Variants in PXDNL observed in about 807,000 individuals in gnomAD.
The protein encoded by PXDNL is peroxidasin like, also known as probable oxidoreductase PXDNL.
A neutral mutation model predicts 150.8 loss-of-function variants in PXDNL; 145 were observed. The ratio of observed to expected loss-of-function variants is 0.96; its 90% confidence interval spans 0.84 to 1.10. The LOEUF is 1.10. Among genes scored for constraint, PXDNL ranks in the 50% least tolerant of loss-of-function variants. The pLI is 0.00. For missense variants in PXDNL, 2,087 were observed against 1,873.9 expected, an observed-to-expected ratio of 1.11 and a Z score of -2.10; for synonymous variants, 757 against 725.7, an observed-to-expected ratio of 1.04 and a Z score of -0.69.
chr8:51,449,148 G>A, intron 10 of PXDNL, 30 bp from the exon 11 acceptor site: 5 of 1,259,862 alleles, frequency 4.0e-6, no homozygotes, highest in African/African-American at 1.5e-5. Flanking sequence ...CATCAAAATT[G>A]AAAATTATTT....
chr8:51,328,256 A>G (rs935494020), intron 21 of PXDNL, among the ~76,000 whole-genome samples: 6 of 152,354 alleles, frequency 3.9e-5, no homozygotes, highest in African/African-American at 1.4e-4. Flanking sequence ...ATGCCTTTTA[A>G]TACACATATC....
intron 17 of PXDNL, among the ~76,000 whole-genome samples, chr8:51,380,144 C>CA (rs1293453803): frequency 7.4e-5 from 11 of 149,450 alleles, no homozygotes; most frequent in Admixed American, 2.0e-4. Flanking sequence ...AAAAAAATAA[C>CA]AAAAAAACTC....
intron 3 of PXDNL, among the ~76,000 whole-genome samples, chr8:51,567,057 GT>G (rs1261765654): frequency 6.6e-6 from 1 of 151,538 alleles, no homozygotes; most frequent in Non-Finnish European, 1.5e-5. Flanking sequence ...TTATAAATGT[GT>G]TTAATCTATA....
At chr8:51,454,544 T>G (rs562056348) in intron 9 of PXDNL, among the ~76,000 whole-genome samples, 33 of 152,198 alleles carry the variant, frequency 2.2e-4, no homozygotes, top group Non-Finnish European at 4.4e-4. Flanking sequence ...GGAGTTCCAC[T>G]CTTACAAATT....
intron 21 of PXDNL, among the ~76,000 whole-genome samples, chr8:51,325,367 T>A (rs1219512771): frequency 6.6e-6 from 1 of 152,050 alleles, no homozygotes; most frequent in African/African-American, 2.4e-5. Flanking sequence ...GGAAGAGGGG[T>A]CCCACATCAT....
intron 21 of PXDNL, chr8:51,321,171 A>T (rs544715687): frequency 2.3e-4 from 69 of 301,624 alleles, no homozygotes; most frequent in Non-Finnish European, 3.6e-4. Context: ...AAGGGGAATT[A>T]AAATCAAATG....
chr8:51,487,404 T>C (rs1057233742), intron 5 of PXDNL, among the ~76,000 whole-genome samples: 3 of 151,858 alleles, frequency 2.0e-5, no homozygotes, highest in African/African-American at 7.3e-5. Flanking sequence ...TCCTACTCCT[T>C]GAGAAAACTT....
In PXDNL at chr8:51,562,071, G is replaced by GCTTTTTGCTT. The variant is rs1812731105; in HGVS notation, c.309-5161_309-5160insAAGCAAAAAG. 7.3e-5 allele frequency among the ~76,000 whole-genome samples: 11 copies of GCTTTTTGCTT among 151,010 alleles called. 1 individual carries two copies. Among genetic ancestry groups the GCTTTTTGCTT allele is most frequent in the Admixed American group, 7.3e-4 (11 of 15,118 alleles). ...ATATTTTCTAAGATGATTATATATTGATATATTGCTTTTTCATATTTATTT... is the reference window on the plus strand; with the variant it reads ...ATATTTTCTAAGATGATTATATATTGCTTTTTGCTTATATATTGCTTTTTCATATTTATTT... On this transcript the variant is annotated intron_variant, in intron 3 of 22. Coordinates refer to ENST00000356297, the MANE Select transcript of PXDNL (RefSeq NM_144651.5).
At chr8:51,471,744 T>C (rs1189828395) in intron 8 of PXDNL, among the ~76,000 whole-genome samples, 9 of 151,780 alleles carry the variant, frequency 5.9e-5, no homozygotes, top group Non-Finnish European at 2.9e-5. Flanking sequence ...TGGAGTGCAG[T>C]GGCACGATCT....
At chr8:51,615,222 TA>T (rs1439290292) in intron 2 of PXDNL, among the ~76,000 whole-genome samples, 3 of 152,052 alleles carry the variant, frequency 2.0e-5, no homozygotes, top group Admixed American at 6.5e-5. Flanking sequence ...TGGCATTTTT[TA>T]AATGCATGAG....
At chr8:51,655,601 C>T (rs115873999) in intron 1 of PXDNL, among the ~76,000 whole-genome samples, 315 of 152,220 alleles carry the variant, frequency 2.1e-3, no homozygotes, top group African/African-American at 6.9e-3. Flanking sequence ...ATGGTAAAGA[C>T]GTCAAGCAGG....
At chr8:51,411,946 CT>C (rs950862969) in intron 15 of PXDNL, among the ~76,000 whole-genome samples, 37 of 152,246 alleles carry the variant, frequency 2.4e-4, no homozygotes, top group African/African-American at 8.9e-4. Flanking sequence ...GTCTTATATA[CT>C]CAGTAAAATG....
intron 1 of PXDNL, among the ~76,000 whole-genome samples, chr8:51,697,010 C>T (rs1301851728): frequency 6.6e-6 from 1 of 152,166 alleles, no homozygotes. Context: ...TTCACTTAAA[C>T]ATGGAGAAAT....
At chr8:51,577,983 GAAAGAAAGAAAGAA>G (rs1813106714) in intron 3 of PXDNL, among the ~76,000 whole-genome samples, 3 of 81,532 alleles carry the variant, frequency 3.7e-5, no homozygotes, top group Non-Finnish European at 7.5e-5. Context: ...AAGAAAGAAA[GAAAGAAAGAAAGAA>G]AGAGGAAGGA....
At chr8:51,442,628 T>C (rs1809577272) in intron 12 of PXDNL, among the ~76,000 whole-genome samples, 1 of 151,988 alleles carries the variant, frequency 6.6e-6, no homozygotes, top group Non-Finnish European at 1.5e-5. Flanking sequence ...TCATGATTCT[T>C]CTTCCTAAAT....
chr8:51,410,177 T>C (rs889720794), intron 16 of PXDNL, among the ~76,000 whole-genome samples: 2 of 152,230 alleles, frequency 1.3e-5, no homozygotes, highest in Admixed American at 1.3e-4. Context: ...GCAACAACTT[T>C]CTGAACTACT....
intron 4 of PXDNL, among the ~76,000 whole-genome samples, chr8:51,550,919 G>T (rs1480650383): frequency 6.6e-6 from 1 of 152,086 alleles, no homozygotes; most frequent in Non-Finnish European, 1.5e-5. Context: ...AAACCCTAAA[G>T]GCTCATCCAA....
intron 17 of PXDNL, among the ~76,000 whole-genome samples, chr8:51,375,429 C>T (rs992469899): frequency 8.5e-5 from 13 of 152,156 alleles, no homozygotes; most frequent in African/African-American, 2.2e-4. Context: ...TAATGATAAA[C>T]GTGACACCAA....
At chr8:51,552,017 A>C (rs933557980) in intron 4 of PXDNL, among the ~76,000 whole-genome samples, 2 of 152,222 alleles carry the variant, frequency 1.3e-5, no homozygotes, top group African/African-American at 4.8e-5. Flanking sequence ...TGTGCTAAGG[A>C]CATGAATAGA....
Sources: gnomAD v4.1 joint callset for allele counts (sites outside exome capture counted in the v4.1 genomes callset) on GRCh38, gnomAD v4.1.1 for gene constraint, MANE v1.5 for transcripts, NCBI Gene and HGNC (gene_info 2026-07-23, HGNC 2026-07-21) for gene names.